Variants in ATG7 observed in about 807,000 individuals in gnomAD.
ATG7 encodes autophagy related 7.
A neutral mutation model predicts 82.4 loss-of-function variants in ATG7; 70 were observed. The observed-to-expected ratio is 0.85, with a 90% CI of 0.70 to 1.04. ATG7 has a LOEUF of 1.04. ATG7 is among the 50% of genes least tolerant of loss of function. The probability of loss-of-function intolerance (pLI) is 0.00; values close to 1 mark genes in which losing one functional copy is unlikely to be tolerated. For missense variants in ATG7, 792 were observed against 864.3 expected, an observed-to-expected ratio of 0.92 and a Z score of 1.05; for synonymous variants, 287 against 313.0, an observed-to-expected ratio of 0.92 and a Z score of 0.88.
chr3:11,521,483 G>A (rs1194348793), intron 20 of ATG7, among the ~76,000 whole-genome samples: 1 of 152,174 alleles, frequency 6.6e-6, no homozygotes, highest in Non-Finnish European at 1.5e-5. Flanking sequence ...GCCAAGCAAG[G>A]GATCTGCCCC....
In ATG7 at chr3:11,309,155, C is replaced by A. The variant is rs1012461834; in HGVS notation, c.411+94C>A. 10 of 1,175,566 alleles carry A rather than the reference C, an allele frequency of 8.5e-6. No individual in the cohort carries two copies. In the Admixed American group the frequency reaches 8.7e-5, roughly 10 times the overall value. 72.8% of individuals were successfully genotyped at this position (1,175,566 alleles called of 1,614,324 possible). A position where few individuals can be genotyped will look rare whatever the true frequency, so the allele number is the denominator to read the frequency against. ...GAACAGTCTGCTCTTCTCTCCGAAG[C>A]TACTACCTTCTGTTACTTAAATAAT... On this transcript the variant is annotated intron_variant, in intron 7 of 20. Coordinates refer to ENST00000693202, the MANE Select transcript of ATG7 (RefSeq NM_001349232.2).
chr3:11,495,038 C>T (rs962901412), intron 20 of ATG7, among the ~76,000 whole-genome samples: 6 of 152,012 alleles, frequency 3.9e-5, no homozygotes, highest in Non-Finnish European at 7.4e-5. Flanking sequence ...CACCACTGCA[C>T]TCCAGCCTGG....
At chr3:11,573,299 GAAA>G in the ATG7 span, among the ~76,000 whole-genome samples, 3,141 of 16,936 alleles carry the variant, frequency 0.19, 335 homozygotes, top group Middle Eastern at 0.26. Flanking sequence ...AAGAAAGAAA[GAAA>G]GAAAGGAAGG....
intron 20 of ATG7, among the ~76,000 whole-genome samples, chr3:11,512,561 C>G (rs115717016): frequency 6.6e-6 from 1 of 152,146 alleles, no homozygotes; most frequent in Non-Finnish European, 1.5e-5. Context: ...CATGGACCGT[C>G]GCAGTGAGTG....
intron 9 of ATG7, among the ~76,000 whole-genome samples, chr3:11,317,861 G>A (rs1222699692): frequency 6.6e-6 from 1 of 152,212 alleles, no homozygotes; most frequent in Non-Finnish European, 1.5e-5. Flanking sequence ...AAAGTGCTGG[G>A]ATTACAGGCG....
chr3:11,564,711 T>TCCCTCACCAC, the ATG7 span: 21 of 1,380,726 alleles, frequency 1.5e-5, no homozygotes, highest in South Asian at 3.8e-5. Flanking sequence ...ACCACCGCCC[T>TCCCTCACCAC]CGGAGTCCTC....
chr3:11,560,030 C>T (rs1053888077), downstream of ATG7, among the ~76,000 whole-genome samples: 1 of 152,156 alleles, frequency 6.6e-6, no homozygotes, highest in Admixed American at 6.5e-5. Flanking sequence ...CCGATCTGCC[C>T]TGTGCACAGC....
chr3:11,423,029 A>G (rs951803052), intron 19 of ATG7, among the ~76,000 whole-genome samples: 1 of 152,132 alleles, frequency 6.6e-6, no homozygotes, highest in Non-Finnish European at 1.5e-5. Flanking sequence ...TGCTGGGATT[A>G]CAAATAGGCA....
chr3:11,318,718 C>T lies in ATG7; in HGVS notation c.678+3225C>T, dbSNP rs565729428. Among the ~76,000 whole-genome samples, 8 of 152,324 alleles carry T rather than the reference C, an allele frequency of 5.3e-5. No homozygotes were observed. In the East Asian group the frequency reaches 1.5e-3, roughly 29 times the overall value. On this transcript the variant is annotated intron_variant, in intron 9 of 20. Coordinates refer to ENST00000693202, the MANE Select transcript of ATG7 (RefSeq NM_001349232.2). Reference sequence around the variant, plus strand: ...TCCAGTTCCTGTCCACCACTAGCCTCATTTAATATTTCCCAAGATACATCC... The same window carrying T: ...TCCAGTTCCTGTCCACCACTAGCCTTATTTAATATTTCCCAAGATACATCC...
chr3:11,459,977 C>T (rs1019150004), intron 20 of ATG7, among the ~76,000 whole-genome samples: 4 of 152,242 alleles, frequency 2.6e-5, no homozygotes, highest in Admixed American at 2.6e-4. Context: ...CTGCACCATA[C>T]TGCCTCTTAC....
intron 9 of ATG7, among the ~76,000 whole-genome samples, chr3:11,327,609 T>C (rs761487718): frequency 1.3e-5 from 2 of 152,210 alleles, no homozygotes; most frequent in Middle Eastern, 3.2e-3. Flanking sequence ...GTTTGTAACT[T>C]GCACATTAGA....
At chr3:11,439,242 T>A (rs2083656616) in intron 20 of ATG7, among the ~76,000 whole-genome samples, 1 of 151,760 alleles carries the variant, frequency 6.6e-6, no homozygotes, top group South Asian at 2.1e-4. Flanking sequence ...CTATTTTTTG[T>A]AGTTTTAGTA....
intron 5 of ATG7, among the ~76,000 whole-genome samples, chr3:11,305,464 C>T (rs2152704099): frequency 6.6e-6 from 1 of 152,288 alleles, no homozygotes; most frequent in South Asian, 2.1e-4. Context: ...TGGCATTCTT[C>T]CTTCTGTTTC....
intron 20 of ATG7, among the ~76,000 whole-genome samples, chr3:11,464,478 G>C (rs770907084): frequency 2.0e-5 from 3 of 152,182 alleles, no homozygotes; most frequent in Non-Finnish European, 2.9e-5. Flanking sequence ...GGTAAAGTAC[G>C]GGGGGAGGCT....
rs10709080 is a variant in ATG7, at chr3:11,350,923, C to CAAAA, written c.1284+2910_1284+2913dup. Among the ~76,000 whole-genome samples the CAAAA allele has an allele frequency of 3.6e-3, 209 of 57,624 alleles. 2 individuals are homozygous for CAAAA. The highest frequency in any genetic ancestry group is 0.014 in the African/African-American group (189 of 13,826). The allele number at this position is 57,624 out of a possible 152,430, so 37.8% of individuals were successfully genotyped here. On this transcript the variant is annotated intron_variant, in intron 14 of 20. Coordinates refer to ENST00000693202, the MANE Select transcript of ATG7 (RefSeq NM_001349232.2). ...GGGCAACCTAGTTGAGACCCTAGCCCAAAAAAAAAAAAAAAAAAAAAAAAA... is the reference window on the plus strand; with the variant it reads ...GGGCAACCTAGTTGAGACCCTAGCCCAAAAAAAAAAAAAAAAAAAAAAAAAAAAA...
At chr3:11,355,177 C>T (rs1241628176) in intron 14 of ATG7, among the ~76,000 whole-genome samples, 1 of 152,158 alleles carries the variant, frequency 6.6e-6, no homozygotes, top group Non-Finnish European at 1.5e-5. Context: ...GAGCTATGAG[C>T]AGAATGGAGA....
chr3:11,476,046 A>G (rs2088174439), intron 20 of ATG7, among the ~76,000 whole-genome samples: 1 of 152,190 alleles, frequency 6.6e-6, no homozygotes, highest in African/African-American at 2.4e-5. Context: ...CATAGCCGCA[A>G]GGCATCATCA....
At chr3:11,477,798 T>C (rs1175732661) in intron 20 of ATG7, among the ~76,000 whole-genome samples, 1 of 152,202 alleles carries the variant, frequency 6.6e-6, no homozygotes, top group Non-Finnish European at 1.5e-5. Context: ...CCTAGACGCA[T>C]TCTCTGTCCA....
intron 18 of ATG7, among the ~76,000 whole-genome samples, chr3:11,376,059 T>C (rs1160945608): frequency 6.6e-6 from 1 of 152,222 alleles, no homozygotes; most frequent in Admixed American, 6.5e-5. Flanking sequence ...AATGCTGACA[T>C]GTGATACAAT....
Sources: gnomAD v4.1 joint callset for allele counts (sites outside exome capture counted in the v4.1 genomes callset) on GRCh38, gnomAD v4.1.1 for gene constraint, MANE v1.5 for transcripts, NCBI Gene and HGNC (gene_info 2026-07-23, HGNC 2026-07-21) for gene names.